CCDC91: variants seen among roughly 807,000 people sequenced by gnomAD.
CCDC91 encodes the protein coiled-coil domain-containing protein 91.
A neutral mutation model predicts 63.2 loss-of-function variants in CCDC91; 48 were observed. The ratio of observed to expected loss-of-function variants is 0.76; its 90% CI spans 0.60 to 0.97. The LOEUF is 0.97. Among genes scored for constraint, CCDC91 ranks in the 50% least tolerant of loss-of-function variants. The pLI is 0.00. For missense variants in CCDC91, 500 were observed against 494.6 expected, an observed-to-expected ratio of 1.01 and a Z score of -0.10; for synonymous variants, 167 against 165.8, an observed-to-expected ratio of 1.01 and a Z score of -0.06.
chr12:28,206,411 C>A (rs528899739), intron 1 of CCDC91, among the ~76,000 whole-genome samples: 51 of 152,196 alleles, frequency 3.4e-4, no homozygotes, highest in African/African-American at 1.2e-3. Context: ...GAAGAGAGAC[C>A]GTTAGATATT....
rs1940049815 is a variant in CCDC91 at position 28,517,225 on chromosome 12, G to GT, written c.1216-31835dup. ...GTCATTATAATTGTTTTTCCCAAAT[G>GT]TTTAGTTTGGCATCTGTTGCAAGGC... On this transcript the variant is annotated intron_variant, in intron 12 of 12. Coordinates refer to ENST00000536442, the MANE Select transcript of CCDC91 (RefSeq NM_018318.5). Among the ~76,000 whole-genome samples, 3 of 151,832 alleles carry GT rather than the reference G, an allele frequency of 2.0e-5. No homozygotes were observed. In the South Asian group the frequency reaches 6.2e-4, roughly 32 times the overall value.
chr12:28,446,252 C>A (rs1274865243), intron 8 of CCDC91, among the ~76,000 whole-genome samples: 1 of 152,190 alleles, frequency 6.6e-6, no homozygotes, highest in Non-Finnish European at 1.5e-5. Flanking sequence ...ATTTGGGAAT[C>A]TCCACAACCA....
intron 3 of CCDC91, among the ~76,000 whole-genome samples, chr12:28,290,175 A>G (rs145000819): frequency 2.0e-5 from 3 of 152,138 alleles, no homozygotes; most frequent in African/African-American, 7.2e-5. Flanking sequence ...ACCTTGCTTT[A>G]TGAATCTGGG....
At chr12:28,535,176 C>A (rs59625943) in intron 12 of CCDC91, among the ~76,000 whole-genome samples, 12,177 of 152,114 alleles carry the variant, frequency 0.08, 1,472 homozygotes, top group African/African-American at 0.27. Flanking sequence ...GTACAGCTGT[C>A]TTGGTATTTC....
At chr12:28,391,488 T>G in intron 8 of CCDC91, 77 bp downstream of exon 8, 1 of 760,114 alleles carries the variant, frequency 1.3e-6, no homozygotes, top group Non-Finnish European at 2.1e-6. Context: ...TAACTGTTTA[T>G]TCAGTTCTGT....
At chr12:28,362,565 A>C (rs765743533) in intron 7 of CCDC91, 50 bp downstream of exon 7, 32 of 1,139,840 alleles carry the variant, frequency 2.8e-5, no homozygotes, top group Non-Finnish European at 3.8e-5. Context: ...AACTTTAGTA[A>C]AAAATGTACA....
intron 12 of CCDC91, among the ~76,000 whole-genome samples, chr12:28,495,240 G>A (rs1265430319): frequency 6.6e-6 from 1 of 151,604 alleles, no homozygotes; most frequent in East Asian, 1.9e-4. Context: ...AAAAACCGTG[G>A]GCATGTGAAT....
At chr12:28,258,004 G>A (rs1207669230) in intron 2 of CCDC91, among the ~76,000 whole-genome samples, 4 of 150,502 alleles carry the variant, frequency 2.7e-5, no homozygotes, top group Admixed American at 2.7e-4. Flanking sequence ...ACCAGGGATT[G>A]TAATTAATGA....
chr12:28,193,434 CTACTAAAAA>C (rs1364315472), intron 1 of CCDC91, among the ~76,000 whole-genome samples: 1 of 152,092 alleles, frequency 6.6e-6, no homozygotes, highest in Non-Finnish European at 1.5e-5. Flanking sequence ...AACTCCGTCT[CTACTAAAAA>C]TACAAAAATT....
At chr12:28,301,063 C>T (rs1400479073) in intron 3 of CCDC91, among the ~76,000 whole-genome samples, 2 of 151,442 alleles carry the variant, frequency 1.3e-5, no homozygotes, top group African/African-American at 2.4e-5. Flanking sequence ...GGTGCTATTT[C>T]ATTTCTCTTG....
At chr12:28,504,712 T>C (rs1229693552) in intron 12 of CCDC91, among the ~76,000 whole-genome samples, 1 of 151,972 alleles carries the variant, frequency 6.6e-6, no homozygotes, top group African/African-American at 2.4e-5. Flanking sequence ...TTTGCTTCTT[T>C]CTTTCACAAG....
At chr12:28,476,755 CA>C (rs1177376115) in intron 11 of CCDC91, among the ~76,000 whole-genome samples, 2 of 151,902 alleles carry the variant, frequency 1.3e-5, no homozygotes, top group Non-Finnish European at 2.9e-5. Context: ...AGAGAATAAT[CA>C]AATAGATGCA....
chr12:28,459,034 G>A (rs1039804074), intron 11 of CCDC91, among the ~76,000 whole-genome samples: 5 of 152,030 alleles, frequency 3.3e-5, no homozygotes, highest in Admixed American at 1.3e-4. Context: ...TGTCTAGCTC[G>A]TCTGCTGCTG....
At chr12:28,222,085 C>T (rs1212531676) in intron 1 of CCDC91, among the ~76,000 whole-genome samples, 1 of 152,186 alleles carries the variant, frequency 6.6e-6, no homozygotes, top group Non-Finnish European at 1.5e-5. Context: ...ATTATTTCAT[C>T]TTGTACATCC....
chr12:28,268,971 T>G (rs1480057243), intron 3 of CCDC91, among the ~76,000 whole-genome samples: 1 of 152,074 alleles, frequency 6.6e-6, no homozygotes, highest in Non-Finnish European at 1.5e-5. Flanking sequence ...ATGCTTTTGC[T>G]GTATGAATTT....
At chr12:28,518,147 C>G (rs1001430607) in intron 12 of CCDC91, among the ~76,000 whole-genome samples, 18 of 151,898 alleles carry the variant, frequency 1.2e-4, no homozygotes, top group Admixed American at 3.3e-4. Context: ...TGGGTAGATA[C>G]CCAGTAGTGG....
chr12:28,462,310 C>G (rs2140475695), intron 11 of CCDC91, among the ~76,000 whole-genome samples: 1 of 152,120 alleles, frequency 6.6e-6, no homozygotes, highest in South Asian at 2.1e-4. Flanking sequence ...GTACAAAATT[C>G]TCATGAGTAG....
At chr12:28,503,867 T>C (rs1331004294) in intron 12 of CCDC91, among the ~76,000 whole-genome samples, 3 of 150,962 alleles carry the variant, frequency 2.0e-5, no homozygotes, top group African/African-American at 7.3e-5. Context: ...TTCTCACTCA[T>C]AGGTAGGAAT....
chr12:28,454,478 G>A lies in CCDC91; in HGVS notation c.1101+1824G>A, dbSNP rs531717053. Among the ~76,000 whole-genome samples the A allele has an allele frequency of 1.8e-4, 28 of 152,258 alleles. No homozygotes were observed. In the South Asian group the frequency reaches 5.4e-3, roughly 29 times the overall value. On this transcript the variant is annotated intron_variant, in intron 11 of 12. Coordinates refer to ENST00000536442, the MANE Select transcript of CCDC91 (RefSeq NM_018318.5). ...CTCCCAGGAGCCCCTGGAAAAATTC[G>A]AACTTTGGACACGTAGTCCAGCTCT...
Sources: allele counts gnomAD v4.1 joint callset (sites outside exome capture counted in the v4.1 genomes callset), GRCh38; gene constraint gnomAD v4.1.1; transcripts MANE v1.5; gene names NCBI Gene and HGNC (gene_info 2026-07-23, HGNC 2026-07-21).